TMEM177: variants seen among roughly 807,000 people sequenced by gnomAD.
The protein encoded by TMEM177 is transmembrane protein 177.
TMEM177 carries 4 observed loss-of-function variants against 14.2 expected under a neutral mutation model. The observed-to-expected ratio is 0.28, with a 90% CI of 0.14 to 0.64. The LOEUF is 0.64. Among genes scored for constraint, TMEM177 ranks in the 30% least tolerant of loss-of-function variants. TMEM177 has a pLI of 0.82. For synonymous variants in TMEM177, 179 were observed against 174.5 expected, an observed-to-expected ratio of 1.03 and a Z score of -0.20; for missense variants, 344 against 405.2, an observed-to-expected ratio of 0.85 and a Z score of 1.30.
downstream of TMEM177, among the ~76,000 whole-genome samples, chr2:119,687,864 A>G (rs897680717): frequency 1.2e-4 from 18 of 152,206 alleles, no homozygotes; most frequent in Admixed American, 6.6e-5. Flanking sequence ...TAGATAACTC[A>G]TACTCTTTAT....
At chr2:119,702,373 TTGGCTGC>T in the TMEM177 span, among the ~76,000 whole-genome samples, 30 of 152,320 alleles carry the variant, frequency 2.0e-4, no homozygotes, top group South Asian at 4.1e-4. Flanking sequence ...TGGGGACTCC[TTGGCTGC>T]TGGCTGCTGG....
At chr2:119,687,256 G>T (rs1231514326), downstream of TMEM177, among the ~76,000 whole-genome samples, 1 of 152,142 alleles carries the variant, frequency 6.6e-6, no homozygotes, top group Admixed American at 6.5e-5. Flanking sequence ...TGGGGCCCTT[G>T]GGCCACAAGG....
At chr2:119,679,470 C>T (rs774653017) in intron 1 of TMEM177, 194 bp downstream of exon 1, 1 of 151,946 alleles carries the variant, frequency 6.6e-6, no homozygotes, top group Non-Finnish European at 1.5e-5. Flanking sequence ...TTCTTAGCCT[C>T]ACTTTCCGCA....
At chr2:119,696,473 T>C in the TMEM177 span, among the ~76,000 whole-genome samples, 2 of 152,180 alleles carry the variant, frequency 1.3e-5, no homozygotes, top group African/African-American at 2.4e-5. Flanking sequence ...ATCTGATATG[T>C]GCCAGGCTCT....
the TMEM177 span, among the ~76,000 whole-genome samples, chr2:119,722,863 T>C: frequency 6.6e-6 from 1 of 152,350 alleles, no homozygotes; most frequent in East Asian, 1.9e-4. Flanking sequence ...TCTGAATAAC[T>C]GGAACCTTTT....
chr2:119,706,019 A>ATATATTATATATTATATATTATATATT, the TMEM177 span, among the ~76,000 whole-genome samples: 5,146 of 136,178 alleles, frequency 0.038, 234 homozygotes, highest in East Asian at 0.096. Flanking sequence ...TATTATATAT[A>ATATATTATATATTATATATTATATATT]TTTATATATA....
downstream of TMEM177, among the ~76,000 whole-genome samples, chr2:119,687,055 T>C (rs1052886526): frequency 6.6e-6 from 1 of 152,100 alleles, no homozygotes; most frequent in Admixed American, 6.6e-5. Context: ...TTCTAAACAA[T>C]AGAATACAGA....
the TMEM177 span, among the ~76,000 whole-genome samples, chr2:119,696,165 G>A: frequency 7.6e-4 from 115 of 152,304 alleles, no homozygotes; most frequent in African/African-American, 2.4e-3. Context: ...GTGAGGTATA[G>A]GCAGCCTGAA....
At chr2:119,690,116 G>T (rs1160965380), downstream of TMEM177, among the ~76,000 whole-genome samples, 2 of 152,216 alleles carry the variant, frequency 1.3e-5, no homozygotes, top group Non-Finnish European at 2.9e-5. Context: ...GTAATCCCCA[G>T]TGTTGGAGGT....
the TMEM177 span, among the ~76,000 whole-genome samples, chr2:119,704,809 G>T: frequency 6.6e-6 from 1 of 152,188 alleles, no homozygotes. Context: ...TGACCTCAGT[G>T]TTATAAATCT....
the TMEM177 span, among the ~76,000 whole-genome samples, chr2:119,693,809 T>C: frequency 2.0e-5 from 3 of 150,112 alleles, no homozygotes; most frequent in South Asian, 6.4e-4. Context: ...CACATACACA[T>C]CACACATATC....
At chr2:119,701,925 C>T in the TMEM177 span, among the ~76,000 whole-genome samples, 81 of 152,260 alleles carry the variant, frequency 5.3e-4, no homozygotes, top group African/African-American at 1.9e-3. Flanking sequence ...AGTCAGATTA[C>T]CGGTCTAGTT....
the TMEM177 span, chr2:119,698,972 C>T: frequency 1.2e-4 from 20 of 165,458 alleles, no homozygotes; most frequent in Non-Finnish European, 1.6e-4. Context: ...ACTGCAGCTT[C>T]GGCGACAGAG....
chr2:119,679,736 A>C (rs1184920813), intron 1 of TMEM177: 3 of 152,272 alleles, frequency 2.0e-5, no homozygotes, highest in Non-Finnish European at 4.4e-5. Context: ...TGGTGGAAAG[A>C]GAAATCAAAC....
At chr2:119,722,541 G>C in the TMEM177 span, among the ~76,000 whole-genome samples, 1 of 152,180 alleles carries the variant, frequency 6.6e-6, no homozygotes, top group Non-Finnish European at 1.5e-5. Context: ...AAGAGACTCT[G>C]TTTTCTCATC....
At chr2:119,686,888 A>G (rs1021336993), downstream of TMEM177, among the ~76,000 whole-genome samples, 2 of 152,192 alleles carry the variant, frequency 1.3e-5, no homozygotes, top group African/African-American at 4.8e-5. Flanking sequence ...ATTTTAAAAT[A>G]CTAAAGCATT....
At chr2:119,707,745 G>A in the TMEM177 span, among the ~76,000 whole-genome samples, 1 of 152,180 alleles carries the variant, frequency 6.6e-6, no homozygotes, top group Non-Finnish European at 1.5e-5. Flanking sequence ...CTTAGGCCCT[G>A]GACCTGTCTG....
At chr2:119,693,082 C>T in the TMEM177 span, among the ~76,000 whole-genome samples, 128 of 151,968 alleles carry the variant, frequency 8.4e-4, no homozygotes, top group African/African-American at 2.7e-3. Context: ...GCAGTGGGGC[C>T]GGCATGGGGA....
chr2:119,685,289 G>A (rs1688994103), downstream of TMEM177, among the ~76,000 whole-genome samples: 1 of 132,878 alleles, frequency 7.5e-6, no homozygotes, highest in Non-Finnish European at 1.5e-5. Flanking sequence ...CAGAATACAG[G>A]GAGGGGAGTC....
Sources: gnomAD v4.1 joint callset for allele counts (sites outside exome capture counted in the v4.1 genomes callset) on GRCh38, gnomAD v4.1.1 for gene constraint, MANE v1.5 for transcripts, NCBI Gene and HGNC (gene_info 2026-07-23, HGNC 2026-07-21) for gene names.